The following DDX47 variants were observed in gnomAD, a reference collection of about 807,000 sequenced individuals.
The protein encoded by DDX47 is probable ATP-dependent RNA helicase DDX47.
Under a neutral mutation model 58.8 loss-of-function variants are expected in DDX47, and 60 were observed. The ratio of observed to expected loss-of-function variants is 1.02; its 90% CI spans 0.83 to 1.26. DDX47 has a LOEUF of 1.26. DDX47 is among the 50% of genes most tolerant of loss of function. The pLI, the probability that DDX47 is intolerant of heterozygous loss-of-function variation, is 0.00. For missense variants in DDX47, 530 were observed against 573.2 expected, an observed-to-expected ratio of 0.92 and a Z score of 0.77; for synonymous variants, 197 against 204.6, an observed-to-expected ratio of 0.96 and a Z score of 0.32.
chr12:12,820,373 TA>T, intron 2 of DDX47: 1 of 152,360 alleles, frequency 6.6e-6, no homozygotes, highest in Admixed American at 6.5e-5. Flanking sequence ...ATTCCCTGTT[TA>T]AAATCCTTTA....
chr12:12,814,897 G>A (rs192066395), intron 2 of DDX47, among the ~76,000 whole-genome samples: 211 of 152,210 alleles, frequency 1.4e-3, no homozygotes, highest in African/African-American at 4.7e-3. Flanking sequence ...GGCTGGTCTC[G>A]AACTCCTGAC....
At position 12,822,125 on chromosome 12, in the gene DDX47, G is replaced by T. The variant is rs773547946; in HGVS notation, c.561+42G>T. 2.1e-6 allele frequency: 3 copies of T among 1,448,758 alleles called. No individual in the cohort carries two copies. In the South Asian group the frequency reaches 3.5e-5, roughly 17 times the overall value. 89.7% of individuals were successfully genotyped at this position (1,448,758 alleles called of 1,614,324 possible). A position where few individuals can be genotyped will look rare whatever the true frequency, so the allele number is the denominator to read the frequency against. Reference sequence around the variant, plus strand: ...TTTCCTCCTCTTAGAGCATCTCAAGGTTCCTGTTTCAAAATTTGGTTCATT... The same window carrying T: ...TTTCCTCCTCTTAGAGCATCTCAAGTTTCCTGTTTCAAAATTTGGTTCATT... On this transcript the variant is annotated intron_variant, in intron 5 of 11. Transcript: ENST00000358007.
At position 12,822,870 on chromosome 12, in the gene DDX47, A is replaced by G. The variant is rs1862993658; in HGVS notation, c.633+138A>G. The G allele has an allele frequency of 9.3e-6, 7 of 750,772 alleles. No individual in the cohort carries two copies. In the South Asian group the frequency reaches 1.1e-4, roughly 11 times the overall value. The allele number at this position is 750,772 out of a possible 1,614,324, so 46.5% of individuals were successfully genotyped here. ...AGAACTATCTGAGACTAGGTAATTT[A>G]TACAGAAAAGAGGTTTAATTGACTC... is the stretch of plus-strand genomic sequence containing the variant. On this transcript the variant is annotated intron_variant, in intron 6 of 11. Coordinates refer to ENST00000358007, the MANE Select transcript of DDX47 (RefSeq NM_016355.4).
chr12:12,820,891 C>T (rs1862959430), intron 2 of DDX47: 2 of 341,252 alleles, frequency 5.9e-6, no homozygotes, highest in Non-Finnish European at 1.1e-5. Flanking sequence ...TTTTAACTCA[C>T]TTATCACCTC....
chr12:12,822,254 A>G (rs952762655), intron 5 of DDX47, among the ~76,000 whole-genome samples, 171 bp downstream of exon 5: 11 of 151,940 alleles, frequency 7.2e-5, no homozygotes, highest in African/African-American at 2.4e-4. Flanking sequence ...ATATAGTCTG[A>G]CTCTGACTTC....
At chr12:12,816,692 A>C (rs1862901841) in intron 2 of DDX47, among the ~76,000 whole-genome samples, 1 of 152,188 alleles carries the variant, frequency 6.6e-6, no homozygotes, top group Admixed American at 6.5e-5. Context: ...GTTTCACACA[A>C]ATTAGGGAAG....
At chr12:12,827,454 C>T in intron 11 of DDX47, 79 bp downstream of exon 11, 2 of 1,469,984 alleles carry the variant, frequency 1.4e-6, no homozygotes, top group Non-Finnish European at 1.9e-6. Flanking sequence ...AACCCTCATA[C>T]TAAACTGCAG....
chr12:12,824,636 G>A lies in DDX47; in HGVS notation c.994G>A (p.Val332Ile), dbSNP rs1436600045. The change falls in exon 9 of 12, where the codon GTA becomes ATA. Residue 332 changes from valine (V) to isoleucine (I), a missense_variant. Physicochemically the swap from Val to Ile is conservative, Grantham distance 29 (BLOSUM62 3). Transcript: ENST00000358007. ...VASRGLDIPH[V>I]DVVVNFDIPT... is the part of the protein sequence containing the mutation. ...CAGCCGAGGTTTGGACATACCTCATGTAGATGTGGTTGTCAACTTTGACAT... is the reference window on the plus strand; with the variant it reads ...CAGCCGAGGTTTGGACATACCTCATATAGATGTGGTTGTCAACTTTGACAT... 5.6e-6 allele frequency: 9 copies of A among 1,614,044 alleles called. No individual in the cohort carries two copies. Among genetic ancestry groups the A allele is most frequent in the African/African-American group, 2.7e-5 (2 of 74,932 alleles).
chr12:12,829,478 A>G lies in DDX47; in HGVS notation c.1292A>G (p.Asn431Ser), dbSNP rs749342404. 6.2e-7 allele frequency: 1 copy of G among 1,614,042 alleles called. No homozygotes were observed. ...CGCTCGCGAGAGGATGCTGGAGATAATGATGACACAGAGGGTGCTATTGGT... is the reference window on the plus strand; with the variant it reads ...CGCTCGCGAGAGGATGCTGGAGATAGTGATGACACAGAGGGTGCTATTGGT... ...KKRSREDAGD[N>S]DDTEGAIGVR... Residue 431 changes from asparagine to serine, a missense_variant, in exon 12 of 12, where the codon AAT (asparagine) becomes AGT (serine). Asn to Ser is a conservative substitution (Grantham distance 46). Coordinates refer to ENST00000358007, the MANE Select transcript of DDX47 (RefSeq NM_016355.4).
chr12:12,821,452 G>T (rs967722231), intron 3 of DDX47, 56 bp downstream of exon 3: 3 of 1,588,586 alleles, frequency 1.9e-6, no homozygotes, highest in Non-Finnish European at 2.6e-6. Flanking sequence ...AAGAATGAGT[G>T]TGGAGGAAGG....
At chr12:12,824,109 C>T (rs1235447984) in intron 8 of DDX47, 93 bp downstream of exon 8, 1 of 1,396,852 alleles carries the variant, frequency 7.2e-7, no homozygotes, top group East Asian at 2.3e-5. Context: ...CCATAGGGCA[C>T]CGATGCCTGT....
At chr12:12,816,665 A>G (rs1862901701) in intron 2 of DDX47, among the ~76,000 whole-genome samples, 1 of 152,232 alleles carries the variant, frequency 6.6e-6, no homozygotes, top group South Asian at 2.1e-4. Context: ...TAGAGGGTTG[A>G]AAATCATGAG....
In DDX47 at chr12:12,821,216, A is replaced by G. The variant is rs1862964956; in HGVS notation, c.190A>G (p.Ile64Val). The stretch of plus-strand genomic sequence containing the variant: ...ATTTCTTTTTCTTTTAGGTCGTGAT[A>G]TCATTGGGCTTGCAGAAACTGGCTC... ...AIPLALQGRD[I>V]IGLAETGSGK... The change falls in exon 3 of 12, where the codon ATC becomes GTC. Residue 64 changes from isoleucine to valine, a missense_variant. By Grantham distance (29) the Ile-to-Val change is conservative (BLOSUM62 3). Coordinates refer to ENST00000358007, the MANE Select transcript of DDX47 (RefSeq NM_016355.4). 1 of 1,614,222 alleles carries G rather than the reference A, an allele frequency of 6.2e-7. No individual in the cohort carries two copies. Among genetic ancestry groups the G allele is most frequent in the South Asian group, 1.1e-5 (1 of 91,086 alleles).
chr12:12,814,256 T>C (rs1280190553), intron 2 of DDX47, 32 bp downstream of exon 2: 31 of 1,347,122 alleles, frequency 2.3e-5, no homozygotes, highest in Non-Finnish European at 3.1e-5. Flanking sequence ...AGATTTAATA[T>C]AAAGTTATCT....
At chr12:12,818,545 G>A (rs1484007409) in intron 2 of DDX47, among the ~76,000 whole-genome samples, 1 of 151,864 alleles carries the variant, frequency 6.6e-6, no homozygotes, top group Non-Finnish European at 1.5e-5. Context: ...CAGTCCCATT[G>A]TCTGGTTTGA....
chr12:12,824,426 G>T, intron 8 of DDX47, 114 bp from the exon 9 acceptor site: 2 of 1,216,928 alleles, frequency 1.6e-6, no homozygotes, highest in Non-Finnish European at 1.1e-6. Flanking sequence ...TCAAAACTTA[G>T]GGGGAAAAAC....
intron 11 of DDX47, 90 bp from the exon 12 acceptor site, chr12:12,829,326 TTACTTGA>T (rs1863096800): frequency 3.6e-6 from 5 of 1,373,572 alleles, no homozygotes; most frequent in East Asian, 4.9e-5. Context: ...CATCAGCAAG[TTACTTGA>T]TACTTGATCT....
At position 12,821,474 on chromosome 12, in the gene DDX47, A is replaced by T. The variant is rs1479072391; in HGVS notation, c.370+78A>T. ...AGTGTGGAGGAAGGAGAATGGAGGA[A>T]AGTATTGCTAGCATAATTTATTGAC... On this transcript the variant is annotated intron_variant, in intron 3 of 11. Transcript: ENST00000358007. 13 of 1,541,794 alleles carry T rather than the reference A, an allele frequency of 8.4e-6. 1 individual carries two copies. In the South Asian group the frequency reaches 1.5e-4, roughly 17 times the overall value.
In DDX47 at chr12:12,814,097, T is replaced by C. The variant is rs778544022; in HGVS notation, c.88-34T>C. 7 of 1,415,348 alleles carry C rather than the reference T, an allele frequency of 4.9e-6. No homozygotes were observed. In the African/African-American group the frequency reaches 9.8e-5, roughly 20 times the overall value. The allele number at this position is 1,415,348 out of a possible 1,614,324, so 87.7% of individuals were successfully genotyped here. On this transcript the variant is annotated intron_variant, in intron 1 of 11. Coordinates refer to ENST00000358007, the MANE Select transcript of DDX47 (RefSeq NM_016355.4). ...GTAGGAGGGAGGTAGGGGTGTGCTG[T>C]TCTTGGCTAAGGTATATTTTTCTGA...
Sources: allele counts gnomAD v4.1 joint callset (sites outside exome capture counted in the v4.1 genomes callset), GRCh38; gene constraint gnomAD v4.1.1; transcripts MANE v1.5; gene names NCBI Gene and HGNC (gene_info 2026-07-23, HGNC 2026-07-21).